WDR25: variants seen among roughly 807,000 people sequenced by gnomAD.
WDR25 encodes WD repeat domain 25.
Under a neutral mutation model 47.7 loss-of-function variants are expected in WDR25, and 35 were observed. The ratio of observed to expected loss-of-function variants is 0.73; its 90% CI spans 0.56 to 0.97. WDR25 has a LOEUF of 0.97. Among genes scored for constraint, WDR25 ranks in the 50% least tolerant of loss-of-function variants. The probability of loss-of-function intolerance (pLI) is 0.00; values close to 1 mark genes in which losing one functional copy is unlikely to be tolerated. For missense variants in WDR25, 634 were observed against 704.7 expected (o/e 0.90, Z 1.14); for synonymous variants, 248 against 278.9 (o/e 0.89, Z 1.10).
chr14:100,520,066 G>GTACATA (rs1337116401), intron 4 of WDR25, among the ~76,000 whole-genome samples: 7 of 122,240 alleles, frequency 5.7e-5, no homozygotes. Context: ...ACATATGTGT[G>GTACATA]TGTGTGTGTG....
intron 2 of WDR25, among the ~76,000 whole-genome samples, chr14:100,412,070 G>T (rs1359244327): frequency 6.6e-6 from 1 of 152,118 alleles, no homozygotes; most frequent in African/African-American, 2.4e-5. Flanking sequence ...TGCCTGGTGT[G>T]GTTGTGGGCT....
At chr14:100,448,744 A>G (rs1484197903) in intron 2 of WDR25, among the ~76,000 whole-genome samples, 1 of 152,058 alleles carries the variant, frequency 6.6e-6, no homozygotes, top group African/African-American at 2.4e-5. Context: ...TTACACATAA[A>G]AGAACAGGGC....
chr14:100,381,096 C>T lies in WDR25; in HGVS notation c.172C>T (p.Pro58Ser). 1.2e-6 allele frequency: 2 copies of T among 1,614,232 alleles called. No homozygotes were observed. Among genetic ancestry groups the T allele is most frequent in the Non-Finnish European group, 1.7e-6 (2 of 1,180,048 alleles). Reference protein sequence around the residue: ...QDFASGTLDVPKAGAQPTKHG... With the variant: ...QDFASGTLDVSKAGAQPTKHG... ...TTTTGCATCTGGTACACTGGATGTG[C>T]CCAAAGCAGGGGCACAGCCCACAAA... Residue 58 changes from proline to serine, a missense_variant, in exon 2 of 7, where the codon CCC (proline) becomes TCC (serine). By Grantham distance (74) the Pro-to-Ser change is moderately conservative. Coordinates refer to ENST00000402312, the MANE Select transcript of WDR25 (RefSeq NM_001161476.3).
rs971080334 is a variant in WDR25, at chr14:100,428,464, G to A, written c.823-39557G>A. On this transcript the variant is annotated intron_variant, in intron 2 of 6. Transcript: ENST00000402312. The surrounding 1 kb of genome is among the most constrained non-coding windows in gnomAD (Gnocchi z 4.3). Reference sequence around the variant, plus strand: ...CATTTTAGCCTTTCTGGGCCTCAGCGTCCTCCTCTGTGGATGGGGGACAGT... The same window carrying A: ...CATTTTAGCCTTTCTGGGCCTCAGCATCCTCCTCTGTGGATGGGGGACAGT... Among the ~76,000 whole-genome samples the A allele has an allele frequency of 3.3e-5, 5 of 152,182 alleles. No individual in the cohort carries two copies. Among genetic ancestry groups the A allele is most frequent in the African/African-American group, 7.2e-5 (3 of 41,446 alleles).
chr14:100,463,962 A>G (rs1297651757), intron 2 of WDR25, among the ~76,000 whole-genome samples: 3 of 151,844 alleles, frequency 2.0e-5, no homozygotes, highest in African/African-American at 7.3e-5. Flanking sequence ...AAGCCTCCTG[A>G]TTGTCTTCCT....
chr14:100,449,278 G>T lies in WDR25; in HGVS notation c.823-18743G>T, dbSNP rs1209044658. On this transcript the variant is annotated intron_variant, in intron 2 of 6. Coordinates refer to ENST00000402312, the MANE Select transcript of WDR25 (RefSeq NM_001161476.3). This position sits in a 1 kb window ranked among gnomAD's most constrained non-coding sequence, Gnocchi z 4.2. Reference sequence around the variant, plus strand: ...TCACTTCCATCCCAGCCCCATCAGGGAGGGCCAGGGAGAACCGTGGCTTCG... The same window carrying T: ...TCACTTCCATCCCAGCCCCATCAGGTAGGGCCAGGGAGAACCGTGGCTTCG... Among the ~76,000 whole-genome samples, 1 of 152,242 alleles carries T rather than the reference G, an allele frequency of 6.6e-6. No individual in the cohort carries two copies. Among genetic ancestry groups the T allele is most frequent in the Non-Finnish European group, 1.5e-5 (1 of 68,036 alleles).
chr14:100,406,366 C>T (rs117124766), intron 2 of WDR25, among the ~76,000 whole-genome samples: 288 of 152,272 alleles, frequency 1.9e-3, no homozygotes, highest in Middle Eastern at 0.017. Context: ...TGCTGTTACT[C>T]GAGCATTTGC....
chr14:100,427,330 T>G (rs1192448588), intron 2 of WDR25, among the ~76,000 whole-genome samples: 2 of 152,102 alleles, frequency 1.3e-5, no homozygotes, highest in Non-Finnish European at 2.9e-5. Context: ...CCTCTCAGTC[T>G]CCTCTCTTGC....
intron 1 of WDR25, among the ~76,000 whole-genome samples, chr14:100,377,544 A>G (rs1315895276): frequency 2.0e-5 from 3 of 151,698 alleles, no homozygotes; most frequent in Admixed American, 6.6e-5. Context: ...CCCCGACCTC[A>G]GGTAATCCGC....
intron 4 of WDR25, among the ~76,000 whole-genome samples, chr14:100,508,611 T>TGTAAAATCTAGTATTACAAAGTCTA (rs1295334476): frequency 6.6e-6 from 1 of 152,238 alleles, no homozygotes; most frequent in African/African-American, 2.4e-5. Flanking sequence ...TTTTTCTTGC[T>TGTAAAATCTAGTATTACAAAGTCTA]GTATTACAAT....
chr14:100,384,424 CCGG>C (rs1336223560), intron 2 of WDR25, among the ~76,000 whole-genome samples: 2 of 152,194 alleles, frequency 1.3e-5, no homozygotes, highest in Non-Finnish European at 2.9e-5. Flanking sequence ...AGATTGGGAA[CCGG>C]CGGGGAGCCA....
intron 2 of WDR25, among the ~76,000 whole-genome samples, chr14:100,412,499 T>G (rs1412198127): frequency 2.6e-5 from 4 of 152,282 alleles, no homozygotes; most frequent in Non-Finnish European, 4.4e-5. Context: ...ATATACAGTC[T>G]TTCTGTGTTT....
rs73349453 is a variant in WDR25 at position 100,460,481 on chromosome 14, G to T, written c.823-7540G>T. On this transcript the variant is annotated intron_variant, in intron 2 of 6. Coordinates refer to ENST00000402312, the MANE Select transcript of WDR25 (RefSeq NM_001161476.3). ...CATATATGTGCATATCATGACCAAGGAGGATTTGTCCCAGGAATGTAAGCT... is the reference window on the plus strand; with the variant it reads ...CATATATGTGCATATCATGACCAAGTAGGATTTGTCCCAGGAATGTAAGCT... 4.9e-3 allele frequency among the ~76,000 whole-genome samples: 749 copies of T among 152,190 alleles called. 10 individuals carry two copies. The highest frequency in any genetic ancestry group is 0.017 in the African/African-American group (704 of 41,512).
chr14:100,483,983 T>G lies in WDR25; in HGVS notation c.971-11T>G. The G allele has an allele frequency of 6.2e-7, 1 of 1,603,448 alleles. No individual in the cohort carries two copies. Among genetic ancestry groups the G allele is most frequent in the Non-Finnish European group, 8.5e-7 (1 of 1,176,770 alleles). On this transcript the variant is annotated splice_polypyrimidine_tract_variant and intron_variant, in intron 3 of 6. Coordinates refer to ENST00000402312, the MANE Select transcript of WDR25 (RefSeq NM_001161476.3). ...TACTTTCTAACCCTCTCTTCTCTTT[T>G]TGTGTTGTAGGAACCCAGCTATTTA...
intron 4 of WDR25, among the ~76,000 whole-genome samples, chr14:100,521,309 C>A (rs577579424): frequency 1.3e-5 from 2 of 152,220 alleles, no homozygotes; most frequent in Admixed American, 6.5e-5. Context: ...AACTTTGTAA[C>A]CCTTGTTCTA....
Position 100,525,633 on chromosome 14 carries a change from C to T in WDR25, c.1102-237C>T, listed in dbSNP as rs2030084737. Among the ~76,000 whole-genome samples, 2 of 152,194 alleles carry T rather than the reference C, an allele frequency of 1.3e-5. No individual in the cohort carries two copies. Among genetic ancestry groups the T allele is most frequent in the Non-Finnish European group, 1.5e-5 (1 of 68,034 alleles). On this transcript the variant is annotated intron_variant, in intron 4 of 6. Coordinates refer to ENST00000402312, the MANE Select transcript of WDR25 (RefSeq NM_001161476.3). The surrounding 1 kb of genome is among the most constrained non-coding windows in gnomAD (Gnocchi z 4.6). ...CTCAAGGGGTGATAGGGATGCCTCT[C>T]TGGACCCATGTGGCAATAGAGCAGG...
intron 4 of WDR25, among the ~76,000 whole-genome samples, chr14:100,513,060 T>C (rs933166783): frequency 6.6e-6 from 1 of 152,244 alleles, no homozygotes; most frequent in Non-Finnish European, 1.5e-5. Context: ...TCTGTGGTTG[T>C]TGGGTGCAGT....
chr14:100,447,660 A>G (rs1479244816), intron 2 of WDR25, among the ~76,000 whole-genome samples: 1 of 152,212 alleles, frequency 6.6e-6, no homozygotes, highest in East Asian at 1.9e-4. Context: ...GGGAGGCAGC[A>G]AAAGCCAGGC....
intron 2 of WDR25, among the ~76,000 whole-genome samples, chr14:100,403,961 T>G (rs1897456407): frequency 6.6e-6 from 1 of 152,246 alleles, no homozygotes; most frequent in South Asian, 2.1e-4. Flanking sequence ...CCTGTTTGCC[T>G]GGGTTCTGGC....
Sources: gnomAD v4.1 joint callset for allele counts (sites outside exome capture counted in the v4.1 genomes callset) on GRCh38, gnomAD v4.1.1 for gene constraint, Gnocchi (gnomAD v3.1) non-coding constraint, MANE v1.5 for transcripts, NCBI Gene and HGNC (gene_info 2026-07-23, HGNC 2026-07-21) for gene names.